MUC17: variants seen among roughly 807,000 people sequenced by gnomAD.
MUC17 encodes the protein mucin-17.
In MUC17, 190 loss-of-function variants were observed where a neutral mutation model predicts 170.3. The ratio of observed to expected loss-of-function variants is 1.12; its 90% CI spans 0.99 to 1.26. The LOEUF (loss-of-function observed/expected upper bound fraction) is 1.26, where lower values mean the gene tolerates loss of function less well. Ranked by LOEUF, MUC17 falls within the 50% of genes most tolerant of loss-of-function variation. The pLI is 0.00. For missense variants in MUC17, 6,415 were observed against 5,530.0 expected, an observed-to-expected ratio of 1.16 and a Z score of -5.08; for synonymous variants, 2,325 against 2,002.5, an observed-to-expected ratio of 1.16 and a Z score of -4.30.
chr7:101,042,329 C>A lies in MUC17; in HGVS notation c.10913C>A (p.Thr3638Asn). The A allele has an allele frequency of 6.2e-7, 1 of 1,614,186 alleles. No homozygotes were observed. The highest frequency in any genetic ancestry group is 8.5e-7 in the Non-Finnish European group (1 of 1,180,026). Residue 3638 changes from threonine (T) to asparagine (N), a missense_variant, in exon 3 of 13, where the codon ACC becomes AAC. Coordinates refer to ENST00000306151, the MANE Select transcript of MUC17 (RefSeq NM_001040105.2). Reference protein sequence around the residue: ...STPSEVSTPLTIMPVSTTSVT... With the variant: ...STPSEVSTPLNIMPVSTTSVT... Reference sequence around the variant, plus strand: ...CCTAGTGAAGTAAGCACTCCATTAACCATTATGCCTGTCAGCACCACATCG... The same window carrying A: ...CCTAGTGAAGTAAGCACTCCATTAAACATTATGCCTGTCAGCACCACATCG...
At position 101,036,425 on chromosome 7, in the gene MUC17, C is replaced by T. The variant is rs145566218; in HGVS notation, c.5009C>T (p.Ser1670Leu). ...SPVITSTEVSSSPTPAEGTSM... is the reference protein window; with the variant it reads ...SPVITSTEVSLSPTPAEGTSM... ...GTGATCACTTCTACTGAAGTCAGTTCATCTCCTACACCTGCTGAAGGTACC... is the reference window on the plus strand; with the variant it reads ...GTGATCACTTCTACTGAAGTCAGTTTATCTCCTACACCTGCTGAAGGTACC... The change falls in exon 3 of 13, where the codon TCA (serine) becomes TTA (leucine). Residue 1670 changes from serine to leucine, a missense_variant. Physicochemically the swap from Ser to Leu is moderately radical, Grantham distance 145. Transcript: ENST00000306151. 6.2e-7 allele frequency: 1 copy of T among 1,612,916 alleles called. No individual in the cohort carries two copies. Among genetic ancestry groups the T allele is most frequent in the South Asian group, 1.1e-5 (1 of 90,956 alleles).
chr7:101,031,057 G>A (rs1424176275), intron 1 of MUC17, 63 bp from the exon 2 acceptor site: 5 of 1,535,472 alleles, frequency 3.3e-6, no homozygotes, highest in Non-Finnish European at 2.6e-6. Flanking sequence ...GAGACTCAGA[G>A]TCTTCAAGAG....
At position 101,036,678 on chromosome 7, in the gene MUC17, A is replaced by G. The variant is rs541533185; in HGVS notation, c.5262A>G (p.Ile1754Met). 70 of 1,612,492 alleles carry G rather than the reference A, an allele frequency of 4.3e-5. No individual in the cohort carries two copies. The African/African-American group carries it at 8.7e-4, about 20-fold the overall frequency. Residue 1754 changes from isoleucine to methionine, a missense_variant, in exon 3 of 13, where the codon ATA becomes ATG. Coordinates refer to ENST00000306151, the MANE Select transcript of MUC17 (RefSeq NM_001040105.2). ...AAGGAACCACTCCATTAACAAGTAT[A>G]CCTGTCAGCACCACGCCGGTACTCA... is the stretch of plus-strand genomic sequence containing the variant. ...PSEGTTPLTSIPVSTTPVLSS... is the reference protein window; with the variant it reads ...PSEGTTPLTSMPVSTTPVLSS...
rs149178597 is a variant in MUC17 at position 101,038,492 on chromosome 7, C to T, written c.7076C>T (p.Ser2359Phe). ...MVASFETSTL[S>F]TTPADTSTPV... is the part of the protein sequence containing the mutation. ...GCCAGTTTTGAAACAAGCACACTTT[C>T]TACAACTCCTGCTGACACCAGCACA... Residue 2359 changes from serine to phenylalanine, a missense_variant, in exon 3 of 13, where the codon TCT becomes TTT. Ser to Phe is a radical substitution (Grantham distance 155). Transcript: ENST00000306151. 6.9e-6 allele frequency: 11 copies of T among 1,604,526 alleles called. No homozygotes were observed. The highest frequency in any genetic ancestry group is 9.4e-6 in the Non-Finnish European group (11 of 1,174,210).
In MUC17 at chr7:101,033,775, T is replaced by C; in HGVS notation, c.2359T>C (p.Ser787Pro). ...CACCACTTCTACTGAAGCCAGTTGC[T>C]CTCCTACAACCACTGAAGGTACCAG... The part of the protein sequence containing the change: ...HITTSTEASC[S>P]PTTTEGTSMP... The change falls in exon 3 of 13, where the codon TCT (serine) becomes CCT (proline). Residue 787 changes from serine to proline, a missense_variant. Coordinates refer to ENST00000306151, the MANE Select transcript of MUC17 (RefSeq NM_001040105.2). 6.2e-7 allele frequency: 1 copy of C among 1,614,032 alleles called. No homozygotes were observed. The highest frequency in any genetic ancestry group is 8.5e-7 in the Non-Finnish European group (1 of 1,179,992).
Position 101,051,807 on chromosome 7 carries a change from C to T in MUC17, c.12948C>T (p.Asp4316=), listed in dbSNP as rs767025449. 5.6e-6 allele frequency: 9 copies of T among 1,613,078 alleles called. No individual in the cohort carries two copies. The Admixed American group carries it at 8.3e-5, about 15-fold the overall frequency. The change falls in exon 9 of 13, where the codon GAC becomes GAT. Residue 4316 remains aspartate (D), a synonymous_variant. Transcript: ENST00000306151. The part of the protein sequence containing the change: ...ITVTQYDPEE[D]CRKMAKEYGD... ...TGTCCCTGCACCCCCCACCAGAGGA[C>T]TGCCGGAAGATGGCCAAGGAATATG...
rs57775219 is a variant in MUC17, at chr7:101,047,095, AAAATAAATAAAT to A, written c.12404-869_12404-858del. On this transcript the variant is annotated intron_variant, in intron 3 of 12. Coordinates refer to ENST00000306151, the MANE Select transcript of MUC17 (RefSeq NM_001040105.2). ...GACTCCGTCTCAAAAAAAAAAAATT[AAAATAAATAAAT>A]AAATAAATAAATAAATAAAATAAGA... is the stretch of plus-strand genomic sequence containing the variant. 5.2e-4 allele frequency among the ~76,000 whole-genome samples: 76 copies of A among 146,950 alleles called. 1 individual carries two copies. The Middle Eastern group carries it at 0.017, about 34-fold the overall frequency.
rs752696348 is a variant in MUC17, at chr7:101,040,003, A to G, written c.8587A>G (p.Thr2863Ala). The change falls in exon 3 of 13, where the codon ACT becomes GCT. Residue 2863 changes from threonine (T) to alanine (A), a missense_variant. Thr to Ala is a moderately conservative substitution (Grantham distance 58). Coordinates refer to ENST00000306151, the MANE Select transcript of MUC17 (RefSeq NM_001040105.2). ...TGAAGGTATCGTCGTGCCAATCTCA[A>G]CTGCTAGTGAAGGAAGTACTCTATT... is the stretch of plus-strand genomic sequence containing the variant. ...TAEGIVVPIS[T>A]ASEGSTLLTS... 14 of 1,612,834 alleles carry G rather than the reference A, an allele frequency of 8.7e-6. No homozygotes were observed. The East Asian group carries it at 3.1e-4, about 36-fold the overall frequency.
At chr7:101,031,486 G>A (rs1021603633) in intron 2 of MUC17, 115 bp from the exon 3 acceptor site, 13 of 1,171,968 alleles carry the variant, frequency 1.1e-5, no homozygotes, top group East Asian at 1.0e-4. Flanking sequence ...TCCTGAAAAC[G>A]GATGACATCC....
Position 101,032,659 on chromosome 7 carries a change from A to C in MUC17, c.1243A>C (p.Thr415Pro). ...CAGTTCTGAGGCTAGCACCACTTCA[A>C]CAATTCCTGTTGACTCCAAAACTTT... ...VASSEASTTS[T>P]IPVDSKTFVT... The change falls in exon 3 of 13, where the codon ACA (threonine) becomes CCA (proline). Residue 415 changes from threonine (T) to proline (P), a missense_variant. Coordinates refer to ENST00000306151, the MANE Select transcript of MUC17 (RefSeq NM_001040105.2). The C allele has an allele frequency of 6.4e-7, 1 of 1,574,102 alleles. No homozygotes were observed. Among genetic ancestry groups the C allele is most frequent in the Non-Finnish European group, 8.7e-7 (1 of 1,153,022 alleles).
chr7:101,029,964 T>C (rs918525295), intron 1 of MUC17, among the ~76,000 whole-genome samples: 2 of 152,154 alleles, frequency 1.3e-5, no homozygotes, highest in East Asian at 1.9e-4. Context: ...GTATTTTCTA[T>C]TGAAGGACTT....
intron 7 of MUC17, 149 bp from the exon 8 acceptor site, chr7:101,051,464 C>T (rs754191229): frequency 2.3e-5 from 15 of 654,978 alleles, no homozygotes; most frequent in African/African-American, 7.5e-5. Flanking sequence ...GGTCACTGGA[C>T]GCGAGGCTGA....
chr7:101,048,178 C>G, intron 4 of MUC17, 63 bp downstream of exon 4: 2 of 1,459,234 alleles, frequency 1.4e-6, no homozygotes, highest in Non-Finnish European at 1.8e-6. Context: ...ATACAAGCAA[C>G]AGTTCCTGCC....
chr7:101,045,552 C>A (rs533187787), intron 3 of MUC17, among the ~76,000 whole-genome samples: 6 of 152,212 alleles, frequency 3.9e-5, no homozygotes, highest in African/African-American at 1.4e-4. Context: ...ACCACCACAT[C>A]CAGCTAATTT....
Position 101,036,896 on chromosome 7 carries a change from C to T in MUC17, c.5480C>T (p.Thr1827Ile), listed in dbSNP as rs201493125. ...HTLVANSEAS[T>I]LSTTPVDSNS... is the part of the protein sequence containing the mutation. Reference sequence around the variant, plus strand: ...CTGGTGGCCAATTCTGAGGCTAGCACCCTTTCAACAACTCCTGTTGACTCT... The same window carrying T: ...CTGGTGGCCAATTCTGAGGCTAGCATCCTTTCAACAACTCCTGTTGACTCT... Residue 1827 changes from threonine (T) to isoleucine (I), a missense_variant, in exon 3 of 13, where the codon ACC (threonine) becomes ATC (isoleucine). By Grantham distance (89) the Thr-to-Ile change is moderately conservative (BLOSUM62 -1). Coordinates refer to ENST00000306151, the MANE Select transcript of MUC17 (RefSeq NM_001040105.2). The T allele has an allele frequency of 8.0e-5, 129 of 1,613,206 alleles. No homozygotes were observed. The highest frequency in any genetic ancestry group is 1.6e-4 in the Middle Eastern group (1 of 6,070).
In MUC17 at chr7:101,032,938, GA is replaced by G; in HGVS notation, c.1524del (p.Gly509GlufsTer5). ...CAGCATGCCAACCTCAACTCCTAGT[GA>G]AGGAAGCACTCCATTAACAAGTATG... The part of the protein sequence containing the change: ...VNSMPTSTPS[E>X]GSTPLTSMSV... On this transcript the variant is annotated frameshift_variant, in exon 3 of 13. Coordinates refer to ENST00000306151, the MANE Select transcript of MUC17 (RefSeq NM_001040105.2). LOFTEE classifies it high-confidence loss of function. The G allele has an allele frequency of 1.2e-6, 2 of 1,614,074 alleles. No homozygotes were observed.
At chr7:101,028,871 C>G (rs770895891) in intron 1 of MUC17, among the ~76,000 whole-genome samples, 5 of 139,390 alleles carry the variant, frequency 3.6e-5, no homozygotes, top group Middle Eastern at 5.3e-3. Flanking sequence ...CTGGGCGATA[C>G]AGAGAGACAC....
At chr7:101,029,220 G>A (rs1019194871) in intron 1 of MUC17, among the ~76,000 whole-genome samples, 15 of 151,384 alleles carry the variant, frequency 9.9e-5, no homozygotes, top group African/African-American at 3.6e-4. Context: ...GCTGGACACG[G>A]TGGCAGGTGT....
In MUC17 at chr7:101,041,225, G is replaced by T; in HGVS notation, c.9809G>T (p.Ser3270Ile). 2 of 1,612,904 alleles carry T rather than the reference G, an allele frequency of 1.2e-6. No homozygotes were observed. The highest frequency in any genetic ancestry group is 1.7e-6 in the Non-Finnish European group (2 of 1,179,552). Reference protein sequence around the residue: ...SSSPPTAEGTSMPTSTPSEGS... With the variant: ...SSSPPTAEGTIMPTSTPSEGS... ...TCTCCTCCCACTGCTGAAGGTACCA[G>T]CATGCCAACCTCAACTCCTAGTGAA... Residue 3270 changes from serine to isoleucine, a missense_variant, in exon 3 of 13, where the codon AGC becomes ATC. Physicochemically the swap from Ser to Ile is moderately radical, Grantham distance 142. Transcript: ENST00000306151.
Sources: gnomAD v4.1 joint callset for allele counts (sites outside exome capture counted in the v4.1 genomes callset) on GRCh38, gnomAD v4.1.1 for gene constraint, MANE v1.5 for transcripts, NCBI Gene and HGNC (gene_info 2026-07-23, HGNC 2026-07-21) for gene names.